The following RAP1GAP2 variants were observed in gnomAD, a reference collection of about 807,000 sequenced individuals.
The protein encoded by RAP1GAP2 is RAP1 GTPase activating protein 2.
RAP1GAP2 carries 27 observed loss-of-function variants against 95.0 expected under a neutral mutation model. The ratio of observed to expected loss-of-function variants is 0.28; its 90% CI spans 0.21 to 0.39. The LOEUF is 0.39. Among genes scored for constraint, RAP1GAP2 ranks in the 10% least tolerant of loss-of-function variants. The probability of loss-of-function intolerance (pLI) is 1.00; values close to 1 mark genes in which losing one functional copy is unlikely to be tolerated. For missense variants in RAP1GAP2, 771 were observed against 970.0 expected (o/e 0.79, Z 2.72); for synonymous variants, 373 against 380.9 (o/e 0.98, Z 0.24).
At chr17:2,980,439 G>T in intron 9 of RAP1GAP2, 74 bp downstream of exon 9, 1 of 1,450,384 alleles carries the variant, frequency 6.9e-7, no homozygotes, top group Non-Finnish European at 9.7e-7. Context: ...GGGGGTGCAG[G>T]TATATCCTGG....
In RAP1GAP2 at chr17:2,963,280, T is replaced by G. The variant is rs1214127336; in HGVS notation, c.247-150T>G. 1 of 881,930 alleles carries G rather than the reference T, an allele frequency of 1.1e-6. No homozygotes were observed. The highest frequency in any genetic ancestry group is 1.9e-5 in the Admixed American group (1 of 52,616). 54.6% of individuals were successfully genotyped at this position (881,930 alleles called of 1,614,324 possible). ...GAGAAGAACATGGGGGATGTTAGAT[T>G]CCAGAGCTGATTCTGAGCTGTTCTT... On this transcript the variant is annotated intron_variant, in intron 5 of 24. Coordinates refer to ENST00000254695, the MANE Select transcript of RAP1GAP2 (RefSeq NM_015085.5). The surrounding 1 kb of genome is among the most constrained non-coding windows in gnomAD (Gnocchi z 4.8).
intron 3 of RAP1GAP2, among the ~76,000 whole-genome samples, chr17:2,956,217 C>G (rs1270727912): frequency 2.0e-5 from 3 of 152,248 alleles, no homozygotes; most frequent in Admixed American, 1.3e-4. Context: ...TGGCGGCTCA[C>G]TTCTGGTCAA....
At position 2,800,119 on chromosome 17, in the gene RAP1GAP2, G is replaced by A. The variant is rs140313310; in HGVS notation, c.45-396G>A. On this transcript the variant is annotated intron_variant, in intron 1 of 24. Transcript: ENST00000254695. ...CCACCTGGCATTCAGATTGACATCC[G>A]TGCTGACCCCTGAAGCCGGGTTGCT... The A allele has an allele frequency of 1.8e-3, 1,608 of 880,944 alleles. 6 individuals are homozygous for A. The highest frequency in any genetic ancestry group is 0.011 in the Middle Eastern group (19 of 1,736). The allele number at this position is 880,944 out of a possible 1,614,324, so 54.6% of individuals were successfully genotyped here. A position where few individuals can be genotyped will look rare whatever the true frequency, so the allele number is the denominator to read the frequency against.
intron 1 of RAP1GAP2, among the ~76,000 whole-genome samples, chr17:2,780,800 C>T (rs1374835902): frequency 2.0e-5 from 3 of 152,244 alleles, no homozygotes; most frequent in Non-Finnish European, 4.4e-5. Context: ...TGATACTAGC[C>T]TATTCATCTG....
At chr17:2,812,569 GC>G in intron 2 of RAP1GAP2, among the ~76,000 whole-genome samples, 1 of 152,090 alleles carries the variant, frequency 6.6e-6, no homozygotes, top group African/African-American at 2.4e-5. Context: ...GGGACCCCCA[GC>G]CCCCATCTGG....
In RAP1GAP2 at chr17:2,902,419, G is replaced by A. The variant is rs568607282; in HGVS notation, c.81-2865G>A. Among the ~76,000 whole-genome samples the A allele has an allele frequency of 1.3e-5, 2 of 152,112 alleles. No homozygotes were observed. The highest frequency in any genetic ancestry group is 1.9e-4 in the East Asian group (1 of 5,184). On this transcript the variant is annotated intron_variant, in intron 2 of 24. Transcript: ENST00000254695. This position sits in a 1 kb window ranked among gnomAD's most constrained non-coding sequence, Gnocchi z 4.1. ...TTTAGTAGAGACGGGGTTTCGCCAC[G>A]TTGAACAGGCTGGTTTGGAACTCCT... is the stretch of plus-strand genomic sequence containing the variant.
intron 3 of RAP1GAP2, among the ~76,000 whole-genome samples, chr17:2,941,542 C>T (rs112013999): frequency 6.6e-6 from 1 of 151,992 alleles, no homozygotes. Context: ...GTTGAGGCAC[C>T]GTGAGATGAG....
At chr17:2,864,592 C>T (rs369718365) in intron 2 of RAP1GAP2, among the ~76,000 whole-genome samples, 1 of 152,302 alleles carries the variant, frequency 6.6e-6, no homozygotes, top group African/African-American at 2.4e-5. Context: ...ACGGGACGTA[C>T]GGTGTGGGGA....
chr17:2,987,497 G>C (rs2045595996), intron 11 of RAP1GAP2, among the ~76,000 whole-genome samples: 1 of 152,030 alleles, frequency 6.6e-6, no homozygotes, highest in Non-Finnish European at 1.5e-5. Context: ...GAGCAGCTGG[G>C]ATTACAGGCA....
intron 2 of RAP1GAP2, among the ~76,000 whole-genome samples, chr17:2,890,190 A>G (rs1312997098): frequency 6.6e-6 from 1 of 151,984 alleles, no homozygotes; most frequent in Non-Finnish European, 1.5e-5. Flanking sequence ...AAGAAAGGGG[A>G]GGAACGAGGA....
At chr17:2,791,747 C>T (rs907297293), upstream of RAP1GAP2, among the ~76,000 whole-genome samples, 1 of 152,144 alleles carries the variant, frequency 6.6e-6, no homozygotes, top group Non-Finnish European at 1.5e-5. Flanking sequence ...AGCTCATCCT[C>T]CTCTCCCCGC....
upstream of RAP1GAP2, among the ~76,000 whole-genome samples, chr17:2,776,222 G>T (rs1437063744): frequency 6.6e-6 from 1 of 152,132 alleles, no homozygotes; most frequent in Non-Finnish European, 1.5e-5. Context: ...GGAGTTTCAG[G>T]GGTCTGAGCA....
At chr17:2,958,171 G>T (rs911656072) in intron 4 of RAP1GAP2, among the ~76,000 whole-genome samples, 1 of 152,050 alleles carries the variant, frequency 6.6e-6, no homozygotes, top group Non-Finnish European at 1.5e-5. Flanking sequence ...AGGCAGAGGG[G>T]TGGGGTGGGA....
chr17:2,786,625 C>CT (rs928371483), intron 1 of RAP1GAP2, among the ~76,000 whole-genome samples: 29 of 147,032 alleles, frequency 2.0e-4, no homozygotes, highest in African/African-American at 6.3e-4. Flanking sequence ...CCTTTCTTTT[C>CT]TTTTTTTTTC....
At chr17:3,014,847 G>A (rs577012555) in intron 17 of RAP1GAP2, among the ~76,000 whole-genome samples, 9 of 152,202 alleles carry the variant, frequency 5.9e-5, no homozygotes, top group African/African-American at 1.4e-4. Flanking sequence ...GTGAGCCATC[G>A]CCCCTGGCCG....
At chr17:2,854,236 C>G (rs1253394109) in intron 2 of RAP1GAP2, 1 of 808,364 alleles carries the variant, frequency 1.2e-6, no homozygotes, top group Middle Eastern at 6.3e-4. Flanking sequence ...TACCGTCGTG[C>G]GAACCGAGTT....
intron 3 of RAP1GAP2, among the ~76,000 whole-genome samples, chr17:2,933,346 G>A (rs1482511397): frequency 6.6e-6 from 1 of 152,040 alleles, no homozygotes; most frequent in East Asian, 1.9e-4. Context: ...AGACCACCGT[G>A]GAGTGAGGGA....
chr17:3,007,896 TG>T, intron 16 of RAP1GAP2, 114 bp from the exon 17 acceptor site: 1 of 1,294,626 alleles, frequency 7.7e-7, no homozygotes, highest in Non-Finnish European at 1.1e-6. Flanking sequence ...ACACCGTTGC[TG>T]GGCCGGGCTG....
chr17:2,790,083 T>G (rs1205119623), intron 1 of RAP1GAP2, among the ~76,000 whole-genome samples: 1 of 151,836 alleles, frequency 6.6e-6, no homozygotes, highest in Non-Finnish European at 1.5e-5. Context: ...CCTGTTTCCC[T>G]GGAGACCAGC....
Sources: gnomAD v4.1 joint callset for allele counts (sites outside exome capture counted in the v4.1 genomes callset) on GRCh38, gnomAD v4.1.1 for gene constraint, Gnocchi (gnomAD v3.1) non-coding constraint, MANE v1.5 for transcripts, NCBI Gene and HGNC (gene_info 2026-07-23, HGNC 2026-07-21) for gene names.